GP6: variants seen among roughly 807,000 people sequenced by gnomAD.
The protein encoded by GP6 is glycoprotein VI platelet, also known as platelet glycoprotein VI.
GP6 carries 45 observed loss-of-function variants against 37.3 expected under a neutral mutation model. The observed-to-expected ratio is 1.21, with a 90% CI of 0.95 to 1.55. The LOEUF (loss-of-function observed/expected upper bound fraction) is 1.55, where lower values mean the gene tolerates loss of function less well. Ranked by LOEUF, GP6 falls within the 40% of genes most tolerant of loss-of-function variation. The pLI, the probability that GP6 is intolerant of heterozygous loss-of-function variation, is 0.00. For missense variants in GP6, 813 were observed against 760.2 expected (o/e 1.07, Z -0.82); for synonymous variants, 340 against 316.4 (o/e 1.07, Z -0.79).
At chr19:55,017,069 T>G (rs1471405573) in intron 6 of GP6, among the ~76,000 whole-genome samples, 1 of 151,542 alleles carries the variant, frequency 6.6e-6, no homozygotes, top group Non-Finnish European at 1.5e-5. Flanking sequence ...CCATAAGACA[T>G]TGTCCATCTG....
At chr19:55,036,775 G>A (rs1399576289) in intron 1 of GP6, among the ~76,000 whole-genome samples, 1 of 152,194 alleles carries the variant, frequency 6.6e-6, no homozygotes, top group East Asian at 1.9e-4. Context: ...CACTTTGGGA[G>A]GCCGAGGCGG....
In GP6 at chr19:55,014,969, ACC is replaced by A; in HGVS notation, c.974_975del (p.Gly325ValfsTer19). 6.3e-7 allele frequency: 1 copy of A among 1,596,612 alleles called. No homozygotes were observed. Among genetic ancestry groups the A allele is most frequent in the Non-Finnish European group, 8.5e-7 (1 of 1,170,502 alleles). On this transcript the variant is annotated frameshift_variant, in exon 8 of 8. Transcript: ENST00000310373. LOFTEE classifies it low-confidence loss of function (END_TRUNC). ...GAACATCCTGTCGGCCTCCATCCTG[ACC>A]CCCGTTTGATTTCCGGGTCAGCGGG...
chr19:55,028,494 A>G (rs1295108533), intron 3 of GP6, among the ~76,000 whole-genome samples: 1 of 152,206 alleles, frequency 6.6e-6, no homozygotes, highest in Non-Finnish European at 1.5e-5. Context: ...AGGGTAGATT[A>G]TAAGTATTCT....
chr19:55,034,972 C>G (rs556396858), intron 1 of GP6, among the ~76,000 whole-genome samples: 1 of 152,298 alleles, frequency 6.6e-6, no homozygotes, highest in South Asian at 2.1e-4. Context: ...CTGTCCCCCT[C>G]CTCCTGCCGC....
rs143241933 is a variant in GP6, at chr19:55,023,967, T to C, written c.664+1251A>G. Among the ~76,000 whole-genome samples the C allele has an allele frequency of 2.9e-3, 447 of 151,780 alleles. 8 individuals are homozygous for C. Among genetic ancestry groups the C allele is most frequent in the African/African-American group, 0.01 (433 of 41,338 alleles). On this transcript the variant is annotated intron_variant, in intron 5 of 7. Transcript: ENST00000310373. ...AAGGAGAAGGGTGTAGGTGTGAATATAAAAGGGTAGCCCAAGGGAGGCCCT... is the reference window on the plus strand; with the variant it reads ...AAGGAGAAGGGTGTAGGTGTGAATACAAAAGGGTAGCCCAAGGGAGGCCCT...
At chr19:55,021,613 C>G (rs1019552985) in intron 5 of GP6, among the ~76,000 whole-genome samples, 84 of 150,594 alleles carry the variant, frequency 5.6e-4, no homozygotes, top group African/African-American at 2.0e-3. Context: ...CTCCGCCTCC[C>G]GGGTTCACGC....
intron 5 of GP6, among the ~76,000 whole-genome samples, chr19:55,022,226 G>A (rs1298296378): frequency 6.6e-6 from 1 of 152,150 alleles, no homozygotes; most frequent in East Asian, 1.9e-4. Context: ...CTTTGCCCAT[G>A]CCTGTGTCCT....
At chr19:55,023,276 C>A (rs1035815648) in intron 5 of GP6, among the ~76,000 whole-genome samples, 6 of 152,140 alleles carry the variant, frequency 3.9e-5, no homozygotes. Context: ...ATTTAATACA[C>A]CTTGTTTTGA....
intron 7 of GP6, 24 bp downstream of exon 7, chr19:55,015,659 G>A: frequency 7.0e-7 from 1 of 1,427,652 alleles, no homozygotes; most frequent in Non-Finnish European, 9.9e-7. Flanking sequence ...AAGGAAGGGG[G>A]TCTGGAGAGG....
At chr19:55,015,198 A>G in intron 7 of GP6, 33 bp from the exon 8 acceptor site, 3 of 1,550,958 alleles carry the variant, frequency 1.9e-6, no homozygotes, top group Non-Finnish European at 1.7e-6. Context: ...GAGCAGGTGA[A>G]AGAGCCCACC....
chr19:55,014,431 G>A lies in GP6; in HGVS notation c.1514C>T (p.Ser505Leu), dbSNP rs1207928553. Residue 505 changes from serine (S) to leucine (L), a missense_variant, in exon 8 of 8, where the codon TCG becomes TTG. Physicochemically the swap from Ser to Leu is moderately radical, Grantham distance 145. Coordinates refer to ENST00000310373, the MANE Select transcript of GP6 (RefSeq NM_001083899.2). ...GCCTGCAAGACCCGTTCTGAGAGACGAAAGGAGATTTGTTAGACCGCAGTG... is the reference window on the plus strand; with the variant it reads ...GCCTGCAAGACCCGTTCTGAGAGACAAAAGGAGATTTGTTAGACCGCAGTG... 4.3e-6 allele frequency: 7 copies of A among 1,613,024 alleles called. No homozygotes were observed. Among genetic ancestry groups the A allele is most frequent in the Non-Finnish European group, 5.9e-6 (7 of 1,179,080 alleles).
At position 55,029,333 on chromosome 19, in the gene GP6, TATATATATATATATATATATATATATA is replaced by T. The variant is rs2074437131; in HGVS notation, c.326-1498_326-1472del. Among the ~76,000 whole-genome samples, 2 of 13,908 alleles carry T rather than the reference TATATATATATATATATATATATATATA, an allele frequency of 1.4e-4. 1 individual carries two copies. The highest frequency in any genetic ancestry group is 1.8e-4 in the Non-Finnish European group (2 of 11,114). 9.1% of individuals were successfully genotyped at this position (13,908 alleles called of 152,430 possible). The stretch of plus-strand genomic sequence containing the variant: ...GCAATGGCATATATATATATATATA[TATATATATATATATATATATATATATA>T]TATATATATATATATTTTTTTTTTT... On this transcript the variant is annotated intron_variant, in intron 3 of 7. Coordinates refer to ENST00000310373, the MANE Select transcript of GP6 (RefSeq NM_001083899.2).
At chr19:55,030,753 G>C (rs895448382) in intron 3 of GP6, among the ~76,000 whole-genome samples, 1 of 152,212 alleles carries the variant, frequency 6.6e-6, no homozygotes, top group African/African-American at 2.4e-5. Flanking sequence ...GGCCCTGGAC[G>C]GGGTCTGGGA....
intron 5 of GP6, among the ~76,000 whole-genome samples, chr19:55,023,254 A>G (rs1209202731): frequency 2.6e-5 from 4 of 152,240 alleles, no homozygotes; most frequent in South Asian, 4.1e-4. Context: ...AGCAATGGGG[A>G]AAGGATTCCC....
intron 6 of GP6, 109 bp from the exon 7 acceptor site, chr19:55,015,842 T>C (rs1345216799): frequency 2.7e-6 from 2 of 744,022 alleles, no homozygotes; most frequent in African/African-American, 3.4e-5. Flanking sequence ...TCCACAGCAT[T>C]TAAGAAAAGC....
chr19:55,015,493 T>A (rs1485619217), intron 7 of GP6, among the ~76,000 whole-genome samples, 190 bp downstream of exon 7: 1 of 152,196 alleles, frequency 6.6e-6, no homozygotes, highest in Non-Finnish European at 1.5e-5. Flanking sequence ...TCTCTGACCC[T>A]TTTTAAAATC....
chr19:55,036,131 C>G (rs1014730408), intron 1 of GP6, among the ~76,000 whole-genome samples: 3 of 150,494 alleles, frequency 2.0e-5, no homozygotes, highest in African/African-American at 7.3e-5. Flanking sequence ...AGGCATTATT[C>G]TAAGTAAAGT....
At position 55,018,712 on chromosome 19, in the gene GP6, C is replaced by T. The variant is rs2073966516; in HGVS notation, c.665-1G>A. The T allele has an allele frequency of 6.2e-7, 1 of 1,604,486 alleles. No homozygotes were observed. Among genetic ancestry groups the T allele is most frequent in the Non-Finnish European group, 8.5e-7 (1 of 1,171,206 alleles). The stretch of plus-strand genomic sequence containing the variant: ...AGTTCAGCGGTGGCTTCTGAGAATT[C>T]TAAGAAAGCAAAACAATGTTAGGTC... On this transcript the variant is annotated splice_acceptor_variant, in intron 5 of 7. Transcript: ENST00000310373. LOFTEE classifies it high-confidence loss of function.
intron 6 of GP6, 69 bp from the exon 7 acceptor site, chr19:55,015,802 C>T (rs754142989): frequency 9.7e-6 from 8 of 822,912 alleles, no homozygotes; most frequent in African/African-American, 6.6e-5. Context: ...GTGCCTACTC[C>T]GAACACACAC....
Sources: allele counts gnomAD v4.1 joint callset (sites outside exome capture counted in the v4.1 genomes callset), GRCh38; gene constraint gnomAD v4.1.1; transcripts MANE v1.5; gene names NCBI Gene and HGNC (gene_info 2026-07-23, HGNC 2026-07-21).